Variants in SBNO2 observed in about 807,000 individuals in gnomAD.
SBNO2 encodes protein strawberry notch homolog 2.
In SBNO2, 89 loss-of-function variants were observed where a neutral mutation model predicts 146.3. The observed-to-expected ratio is 0.61, with a 90% CI of 0.51 to 0.73. The LOEUF is 0.73. Ranked by LOEUF, SBNO2 falls within the 30% of genes least tolerant of loss-of-function variation. SBNO2 has a pLI of 0.00. For synonymous variants in SBNO2, 1,147 were observed against 892.6 expected (o/e 1.29, Z -5.08); for missense variants, 2,092 against 2,003.7 (o/e 1.04, Z -0.84).
chr19:1,115,606 C>T (rs543570943), intron 17 of SBNO2: 37 of 251,246 alleles, frequency 1.5e-4, no homozygotes, highest in African/African-American at 7.5e-4. Flanking sequence ...GGTGGACACG[C>T]GGGGTGCCTG....
chr19:1,174,025 T>A (rs1004978310), intron 1 of SBNO2, 147 bp downstream of exon 1: 1 of 145,456 alleles, frequency 6.9e-6, no homozygotes, highest in Non-Finnish European at 1.5e-5. Flanking sequence ...AGGGCGGGGG[T>A]CCCGCCGCGC....
rs1044638134 is a variant in SBNO2 at position 1,158,937 on chromosome 19, G to A, written c.-126-4535C>T. Among the ~76,000 whole-genome samples the A allele has an allele frequency of 6.7e-6, 1 of 149,008 alleles. No individual in the cohort carries two copies. Among genetic ancestry groups the A allele is most frequent in the Non-Finnish European group, 1.5e-5 (1 of 67,204 alleles). ...CAGCCGTGACCCCACCTGCAGCCGC[G>A]ACCCCACCTGCAGCCGTGACCCCAC... On this transcript the variant is annotated intron_variant, in intron 1 of 31. Coordinates refer to ENST00000361757, the MANE Select transcript of SBNO2 (RefSeq NM_014963.3). The surrounding 1 kb of genome is among the most constrained non-coding windows in gnomAD (Gnocchi z 9.9).
At chr19:1,132,597 G>A (rs762222053) in intron 4 of SBNO2, among the ~76,000 whole-genome samples, 1 of 152,178 alleles carries the variant, frequency 6.6e-6, no homozygotes, top group Non-Finnish European at 1.5e-5. Context: ...GGGAAACTGC[G>A]GCCAAGACCG....
intron 31 of SBNO2, 33 bp downstream of exon 31, chr19:1,108,746 C>T (rs750461485): frequency 3.1e-6 from 5 of 1,588,588 alleles, no homozygotes; most frequent in Admixed American, 1.7e-5. Flanking sequence ...GCTGGGGGCT[C>T]GGGCCTTCCC....
At chr19:1,145,086 G>C (rs12974950) in intron 4 of SBNO2, among the ~76,000 whole-genome samples, 4 of 151,734 alleles carry the variant, frequency 2.6e-5, no homozygotes, top group Non-Finnish European at 2.9e-5. Flanking sequence ...GAGACAGAGA[G>C]GGAGATAGGC....
chr19:1,163,400 C>G (rs892657818), intron 1 of SBNO2, among the ~76,000 whole-genome samples: 2 of 152,226 alleles, frequency 1.3e-5, no homozygotes, highest in Admixed American at 1.3e-4. Context: ...TACTCCTTGA[C>G]CTCAGCTTCC....
At chr19:1,143,661 C>T (rs960254539) in intron 4 of SBNO2, among the ~76,000 whole-genome samples, 1 of 152,152 alleles carries the variant, frequency 6.6e-6, no homozygotes, top group Admixed American at 6.5e-5. Context: ...CCTTCTTCCC[C>T]CTTCACGGCC....
rs988353628 is a variant in SBNO2, at chr19:1,116,824, C to T, written c.1802+5G>A. 1 of 1,583,878 alleles carries T rather than the reference C, an allele frequency of 6.3e-7. No homozygotes were observed. Among genetic ancestry groups the T allele is most frequent in the Non-Finnish European group, 8.6e-7 (1 of 1,166,272 alleles). On this transcript the variant is annotated splice_donor_5th_base_variant and intron_variant, in intron 16 of 31. Coordinates refer to ENST00000361757, the MANE Select transcript of SBNO2 (RefSeq NM_014963.3). ...CCACAGTCCTGTCCCCACCGTGACA[C>T]TTACTCAGCGGCCGAGACGAAGCAG...
At chr19:1,116,683 G>A (rs868510460) in intron 16 of SBNO2, 146 bp downstream of exon 16, 5 of 644,916 alleles carry the variant, frequency 7.8e-6, no homozygotes, top group Admixed American at 6.1e-5. Context: ...GAAGGCCTCT[G>A]TGGCTGAGGC....
chr19:1,122,832 C>G (rs1008242154), intron 8 of SBNO2, 41 bp from the exon 9 acceptor site: 1 of 1,537,074 alleles, frequency 6.5e-7, no homozygotes, highest in African/African-American at 1.4e-5. Flanking sequence ...GGGGTGCTGG[C>G]CCGGCCCCTC....
At chr19:1,155,328 A>C (rs571593016) in intron 1 of SBNO2, among the ~76,000 whole-genome samples, 1 of 152,306 alleles carries the variant, frequency 6.6e-6, no homozygotes, top group East Asian at 1.9e-4. Flanking sequence ...GTGGCCGGGC[A>C]ACAGGGGCTG....
chr19:1,115,944 A>T, intron 17 of SBNO2, 77 bp downstream of exon 17: 1 of 893,236 alleles, frequency 1.1e-6, no homozygotes, highest in Non-Finnish European at 1.5e-6. Context: ...TGGGGGAAGC[A>T]GGGAGCGACC....
intron 1 of SBNO2, among the ~76,000 whole-genome samples, chr19:1,160,374 G>A (rs964287406): frequency 1.3e-5 from 2 of 152,222 alleles, no homozygotes; most frequent in Non-Finnish European, 2.9e-5. Context: ...AGGCCTCGGG[G>A]GGTCTGCGGG....
chr19:1,108,512 G>C lies in SBNO2; in HGVS notation c.3809C>G (p.Pro1270Arg). The C allele has an allele frequency of 8.2e-7, 1 of 1,218,570 alleles. No homozygotes were observed. The allele number at this position is 1,218,570 out of a possible 1,614,324, so 75.5% of individuals were successfully genotyped here. A position where few individuals can be genotyped will look rare whatever the true frequency, so the allele number is the denominator to read the frequency against. The change falls in exon 32 of 32, where the codon CCG (proline) becomes CGG (arginine). Residue 1270 changes from proline to arginine, a missense_variant. Physicochemically the swap from Pro to Arg is moderately radical, Grantham distance 103. Coordinates refer to ENST00000361757, the MANE Select transcript of SBNO2 (RefSeq NM_014963.3). Reference sequence around the variant, plus strand: ...CGCCGGGAAAGAGAAGTGCGGGGGCGGCGGGAAGGCCTCGGCCGGGGGGCT... The same window carrying C: ...CGCCGGGAAAGAGAAGTGCGGGGGCCGCGGGAAGGCCTCGGCCGGGGGGCT... ...TYSPPAEAFPPPPHFSFPAPL... is the reference protein window; with the variant it reads ...TYSPPAEAFPRPPHFSFPAPL...
chr19:1,132,229 CCGGGGCGGA>C (rs2080038295), intron 4 of SBNO2: 4 of 1,309,490 alleles, frequency 3.1e-6, no homozygotes, highest in Non-Finnish European at 3.9e-6. Context: ...ATTGGGTCGG[CCGGGGCGGA>C]CGGGGGCGGC....
In SBNO2 at chr19:1,117,303, C is replaced by T. The variant is rs1247929771; in HGVS notation, c.1704+20G>A. 1.9e-6 allele frequency: 3 copies of T among 1,548,716 alleles called. No homozygotes were observed. The highest frequency in any genetic ancestry group is 1.7e-6 in the Non-Finnish European group (2 of 1,146,658). ...TGCAGGCCCGGCCGCCCTCAGCCCT[C>T]GAAGGCCGCAGCCGCTCACCTTGTC... On this transcript the variant is annotated intron_variant, in intron 15 of 31. Coordinates refer to ENST00000361757, the MANE Select transcript of SBNO2 (RefSeq NM_014963.3).
chr19:1,166,076 T>TCAGACCC (rs2080419147), intron 1 of SBNO2, among the ~76,000 whole-genome samples: 1 of 874 alleles, frequency 1.1e-3, no homozygotes, highest in Non-Finnish European at 2.3e-3. Flanking sequence ...CCCCCAGATC[T>TCAGACCC]CAGATCCCAG....
chr19:1,156,184 G>A (rs1180478716), intron 1 of SBNO2, among the ~76,000 whole-genome samples: 1 of 152,136 alleles, frequency 6.6e-6, no homozygotes, highest in African/African-American at 2.4e-5. Context: ...CGGTGCTCCT[G>A]GCAGCTCCTC....
At chr19:1,151,030 G>C (rs565047606) in intron 2 of SBNO2, among the ~76,000 whole-genome samples, 4 of 152,396 alleles carry the variant, frequency 2.6e-5, no homozygotes, top group Non-Finnish European at 4.4e-5. Context: ...GTGGCTTGCA[G>C]GAAGCCGGGC....
Sources: gnomAD v4.1 joint callset for allele counts (sites outside exome capture counted in the v4.1 genomes callset) on GRCh38, gnomAD v4.1.1 for gene constraint, Gnocchi (gnomAD v3.1) non-coding constraint, MANE v1.5 for transcripts, NCBI Gene and HGNC (gene_info 2026-07-23, HGNC 2026-07-21) for gene names.